The following NCAM1 variants were observed in gnomAD, a reference collection of about 807,000 sequenced individuals.
NCAM1 encodes the protein antigen recognized by monoclonal antibody 5.1H11.
In NCAM1, 14 loss-of-function variants were observed where a neutral mutation model predicts 109.8. The ratio of observed to expected loss-of-function variants is 0.13; its 90% CI spans 0.08 to 0.20. The LOEUF (loss-of-function observed/expected upper bound fraction) is 0.20, where lower values mean the gene tolerates loss of function less well. NCAM1 is among the 10% of genes least tolerant of loss of function. NCAM1 has a pLI of 1.00. For missense variants in NCAM1, 774 were observed against 1,109.9 expected, an observed-to-expected ratio of 0.70 and a Z score of 4.30; for synonymous variants, 418 against 442.9, an observed-to-expected ratio of 0.94 and a Z score of 0.70.
At chr11:113,224,042 G>T (rs1265210203) in intron 9 of NCAM1, among the ~76,000 whole-genome samples, 1 of 152,198 alleles carries the variant, frequency 6.6e-6, no homozygotes, top group Non-Finnish European at 1.5e-5. Flanking sequence ...ATTTCCAACT[G>T]AGGTACCGGG....
rs1950586679 is a variant in NCAM1 at position 112,962,299 on chromosome 11, A to T, written c.52+635A>T. Reference sequence around the variant, plus strand: ...CCAGTCGACATGACGTTAGTTTTTCATTTGCCAAATTGCTGGTTAGTTGCA... The same window carrying T: ...CCAGTCGACATGACGTTAGTTTTTCTTTTGCCAAATTGCTGGTTAGTTGCA... On this transcript the variant is annotated intron_variant, in intron 1 of 19. Coordinates refer to ENST00000316851, the MANE Select transcript of NCAM1 (RefSeq NM_181351.5). The surrounding 1 kb of genome is among the most constrained non-coding windows in gnomAD (Gnocchi z 5.6). Among the ~76,000 whole-genome samples, 1 of 152,082 alleles carries T rather than the reference A, an allele frequency of 6.6e-6. No homozygotes were observed. Among genetic ancestry groups the T allele is most frequent in the Non-Finnish European group, 1.5e-5 (1 of 68,008 alleles).
chr11:113,276,734 A>AAAAG lies in NCAM1; in HGVS notation c.*1350_*1353dup, dbSNP rs1188052597. ...TCACTTAGGCAGCATTTATAGAAAC[A>AAAAG]AAAGAAGAAAGAAACAACCTACTGT... On this transcript the variant is annotated 3_prime_UTR_variant, in exon 20 of 20. Transcript: ENST00000316851. 6.6e-6 allele frequency: 1 copy of AAAAG among 152,456 alleles called. No homozygotes were observed. The highest frequency in any genetic ancestry group is 2.4e-5 in the African/African-American group (1 of 41,368). The allele number at this position is 152,456 out of a possible 1,614,324, so 9.4% of individuals were successfully genotyped here. A position where few individuals can be genotyped will look rare whatever the true frequency, so the allele number is the denominator to read the frequency against.
chr11:112,969,317 G>T (rs887429970), intron 1 of NCAM1, among the ~76,000 whole-genome samples: 2 of 152,152 alleles, frequency 1.3e-5, no homozygotes. Flanking sequence ...ACTGAGAAAG[G>T]TTAAATGACT....
chr11:113,105,876 A>C (rs1940134386), intron 1 of NCAM1, among the ~76,000 whole-genome samples: 1 of 152,196 alleles, frequency 6.6e-6, no homozygotes, highest in Admixed American at 6.5e-5. Context: ...ACTAATCTTT[A>C]AAAGGCTGAA....
At chr11:113,132,629 TG>T (rs1941440508) in intron 1 of NCAM1, among the ~76,000 whole-genome samples, 1 of 150,952 alleles carries the variant, frequency 6.6e-6, no homozygotes. Context: ...TGTGTGTGTG[TG>T]TGTGTGTGTG....
intron 1 of NCAM1, among the ~76,000 whole-genome samples, chr11:113,062,364 T>G (rs893427617): frequency 6.6e-6 from 1 of 152,170 alleles, no homozygotes. Context: ...CCTTTTGTTG[T>G]CTGGCTTTTT....
intron 14 of NCAM1, among the ~76,000 whole-genome samples, chr11:113,245,034 A>T (rs1048949845): frequency 9.2e-5 from 14 of 152,206 alleles, no homozygotes; most frequent in Non-Finnish European, 1.8e-4. Context: ...ATACCTTTTA[A>T]CAAGTCGAGA....
At chr11:113,156,062 G>A (rs1555103419) in intron 1 of NCAM1, among the ~76,000 whole-genome samples, 1 of 152,228 alleles carries the variant, frequency 6.6e-6, no homozygotes, top group East Asian at 1.9e-4. Flanking sequence ...GAATTGGAAA[G>A]TGGCTCTGGG....
intron 1 of NCAM1, among the ~76,000 whole-genome samples, chr11:113,071,003 G>A (rs529646693): frequency 6.6e-6 from 1 of 152,276 alleles, no homozygotes; most frequent in South Asian, 2.1e-4. Context: ...ATCCATAGAT[G>A]GTTGGGTTGA....
At chr11:113,063,197 A>G (rs782764422) in intron 1 of NCAM1, among the ~76,000 whole-genome samples, 7 of 152,208 alleles carry the variant, frequency 4.6e-5, no homozygotes, top group Admixed American at 1.3e-4. Context: ...GATTATGAGT[A>G]AACTCACCTG....
chr11:113,135,458 G>C (rs1941563525), intron 1 of NCAM1, among the ~76,000 whole-genome samples: 1 of 152,046 alleles, frequency 6.6e-6, no homozygotes, highest in Non-Finnish European at 1.5e-5. Flanking sequence ...CCCTTGTGAG[G>C]CTCCAGAGCA....
intron 1 of NCAM1, among the ~76,000 whole-genome samples, chr11:112,991,429 C>T (rs907803301): frequency 6.6e-6 from 1 of 151,842 alleles, no homozygotes; most frequent in Non-Finnish European, 1.5e-5. Flanking sequence ...ACAATAAGTA[C>T]GTGTTAATGG....
At chr11:113,074,826 T>G (rs1365116112) in intron 1 of NCAM1, among the ~76,000 whole-genome samples, 2 of 152,098 alleles carry the variant, frequency 1.3e-5, no homozygotes, top group African/African-American at 4.8e-5. Context: ...GAGAGGAGCG[T>G]TCACCATGTT....
chr11:112,974,993 C>T lies in NCAM1; in HGVS notation c.52+13329C>T, dbSNP rs1454533079. Among the ~76,000 whole-genome samples, 9 of 151,898 alleles carry T rather than the reference C, an allele frequency of 5.9e-5. No homozygotes were observed. The East Asian group carries it at 1.5e-3, about 26-fold the overall frequency. On this transcript the variant is annotated intron_variant, in intron 1 of 19. Transcript: ENST00000316851. ...ATCTTTTTTGAAGTCTTTTATCTTGCACGTTTTAGGGTAGGATCGTTGAGA... is the reference window on the plus strand; with the variant it reads ...ATCTTTTTTGAAGTCTTTTATCTTGTACGTTTTAGGGTAGGATCGTTGAGA...
At chr11:113,265,686 G>A (rs1445896064) in intron 17 of NCAM1, among the ~76,000 whole-genome samples, 4 of 152,104 alleles carry the variant, frequency 2.6e-5, no homozygotes, top group East Asian at 1.9e-4. Flanking sequence ...TAGCTGATTC[G>A]AAGGAGCAAG....
At chr11:113,140,962 G>A (rs1415198705) in intron 1 of NCAM1, among the ~76,000 whole-genome samples, 1 of 151,994 alleles carries the variant, frequency 6.6e-6, no homozygotes, top group Non-Finnish European at 1.5e-5. Flanking sequence ...CTGGTAGGAC[G>A]AACATAGTGC....
At chr11:112,999,783 G>T (rs1453598414) in intron 1 of NCAM1, among the ~76,000 whole-genome samples, 2 of 152,134 alleles carry the variant, frequency 1.3e-5, no homozygotes, top group Non-Finnish European at 2.9e-5. Flanking sequence ...TCATCCCTAG[G>T]GCTGCAGGAG....
chr11:113,091,202 G>A (rs1939328073), intron 1 of NCAM1, among the ~76,000 whole-genome samples: 1 of 151,990 alleles, frequency 6.6e-6, no homozygotes, highest in Non-Finnish European at 1.5e-5. Flanking sequence ...AAAAGGTTAA[G>A]TAACTTGCCC....
intron 1 of NCAM1, among the ~76,000 whole-genome samples, chr11:113,087,411 T>C (rs1939138482): frequency 6.6e-6 from 1 of 152,204 alleles, no homozygotes; most frequent in Non-Finnish European, 1.5e-5. Flanking sequence ...GCTGACTTTG[T>C]TTTTTGTTTG....
Sources: gnomAD v4.1 joint callset for allele counts (sites outside exome capture counted in the v4.1 genomes callset) on GRCh38, gnomAD v4.1.1 for gene constraint, Gnocchi (gnomAD v3.1) non-coding constraint, MANE v1.5 for transcripts, NCBI Gene and HGNC (gene_info 2026-07-23, HGNC 2026-07-21) for gene names.